ARHGAP26: variants seen among roughly 807,000 people sequenced by gnomAD.
The protein encoded by ARHGAP26 is rho GTPase-activating protein 26.
ARHGAP26 carries 38 observed loss-of-function variants against 104.8 expected under a neutral mutation model. That is an observed-to-expected ratio of 0.36 (90% CI 0.28 to 0.48). ARHGAP26 has a LOEUF of 0.48. Among genes scored for constraint, ARHGAP26 ranks in the 20% least tolerant of loss-of-function variants. ARHGAP26 has a pLI of 0.99. For synonymous variants in ARHGAP26, 341 were observed against 340.0 expected (o/e 1.00, Z -0.03); for missense variants, 704 against 947.9 (o/e 0.74, Z 3.38).
chr5:143,146,623 A>G (rs1799188740), intron 19 of ARHGAP26, among the ~76,000 whole-genome samples: 1 of 152,240 alleles, frequency 6.6e-6, no homozygotes, highest in Admixed American at 6.5e-5. Flanking sequence ...AGAGCGATTT[A>G]TCAAAGAATT....
chr5:142,916,757 A>C (rs962455612), intron 10 of ARHGAP26, among the ~76,000 whole-genome samples: 5 of 152,222 alleles, frequency 3.3e-5, no homozygotes, highest in African/African-American at 4.8e-5. Flanking sequence ...AGGCAAAAAC[A>C]ACCACCACAA....
intron 12 of ARHGAP26, among the ~76,000 whole-genome samples, chr5:143,024,981 T>C (rs1780841296): frequency 6.6e-6 from 1 of 152,218 alleles, no homozygotes; most frequent in Non-Finnish European, 1.5e-5. Flanking sequence ...TTTTAATAAT[T>C]AAATCTTTGG....
At chr5:142,806,374 C>T (rs1218656117) in intron 1 of ARHGAP26, among the ~76,000 whole-genome samples, 1 of 152,138 alleles carries the variant, frequency 6.6e-6, no homozygotes, top group African/African-American at 2.4e-5. Flanking sequence ...GGATTACAGG[C>T]CTGAGCCATT....
chr5:143,127,499 A>G (rs912853558), intron 18 of ARHGAP26, among the ~76,000 whole-genome samples: 1 of 152,208 alleles, frequency 6.6e-6, no homozygotes, highest in Non-Finnish European at 1.5e-5. Flanking sequence ...AGAAATCCCC[A>G]AAGATCGGTG....
rs570847950 is a variant in ARHGAP26, at chr5:143,067,712, A to G, written c.1538+9965A>G. Among the ~76,000 whole-genome samples, 5 of 152,336 alleles carry G rather than the reference A, an allele frequency of 3.3e-5. No individual in the cohort carries two copies. The South Asian group carries it at 6.2e-4, about 19-fold the overall frequency. On this transcript the variant is annotated intron_variant, in intron 17 of 22. Coordinates refer to ENST00000645722, the MANE Select transcript of ARHGAP26 (RefSeq NM_001135608.3). ...TGGTGTATTGCAAGCAGGTCTTGCTATGTACTTGGAGATGCCTAGAATTGG... is the reference window on the plus strand; with the variant it reads ...TGGTGTATTGCAAGCAGGTCTTGCTGTGTACTTGGAGATGCCTAGAATTGG...
chr5:143,006,316 C>CTGTTT (rs772059084), intron 11 of ARHGAP26, among the ~76,000 whole-genome samples: 1 of 112,872 alleles, frequency 8.9e-6, no homozygotes, highest in Non-Finnish European at 1.9e-5. Context: ...AGTGTTTTTT[C>CTGTTT]TTTTTTTTTT....
At chr5:142,983,822 C>T (rs2152736171) in intron 11 of ARHGAP26, among the ~76,000 whole-genome samples, 1 of 152,292 alleles carries the variant, frequency 6.6e-6, no homozygotes, top group South Asian at 2.1e-4. Flanking sequence ...CACATCTATT[C>T]ATATATAAAC....
At position 142,770,654 on chromosome 5, in the gene ARHGAP26, G is replaced by T. The variant is rs991525573; in HGVS notation, c.-108G>T. ...GAGCCAGCGCCACACCTGTGGAGCC[G>T]GCGGCCGTCGGGGGAGCCGGCCGGG... On this transcript the variant is annotated 5_prime_UTR_variant, in exon 1 of 23. Coordinates refer to ENST00000645722, the MANE Select transcript of ARHGAP26 (RefSeq NM_001135608.3). The T allele has an allele frequency of 1.2e-6, 1 of 830,966 alleles. No homozygotes were observed. Among genetic ancestry groups the T allele is most frequent in the African/African-American group, 1.8e-5 (1 of 54,276 alleles). The allele number at this position is 830,966 out of a possible 1,614,324, so 51.5% of individuals were successfully genotyped here. A position where few individuals can be genotyped will look rare whatever the true frequency, so the allele number is the denominator to read the frequency against.
At position 143,227,013 on chromosome 5, in the gene ARHGAP26, A is replaced by G. The variant is rs1164284612; in HGVS notation, c.*4567A>G. On this transcript the variant is annotated 3_prime_UTR_variant, in exon 23 of 23. Transcript: ENST00000645722. ...CTCTGTCTTGACTGCAGAGGCTCCAAAAGCATTCACAGTTGAGGGGGAGAA... is the reference window on the plus strand; with the variant it reads ...CTCTGTCTTGACTGCAGAGGCTCCAGAAGCATTCACAGTTGAGGGGGAGAA... 1.7e-5 allele frequency: 4 copies of G among 228,980 alleles called. No individual in the cohort carries two copies. The highest frequency in any genetic ancestry group is 8.9e-5 in the African/African-American group (4 of 45,072). The allele number at this position is 228,980 out of a possible 1,614,324, so 14.2% of individuals were successfully genotyped here.
intron 11 of ARHGAP26, among the ~76,000 whole-genome samples, chr5:142,964,627 C>T (rs539571099): frequency 1.3e-5 from 2 of 151,984 alleles, no homozygotes; most frequent in African/African-American, 4.8e-5. Context: ...GTCTTGGAGA[C>T]ATGCCAATAT....
chr5:142,922,368 G>A (rs1763311474), intron 10 of ARHGAP26, among the ~76,000 whole-genome samples: 1 of 151,952 alleles, frequency 6.6e-6, no homozygotes, highest in South Asian at 2.1e-4. Flanking sequence ...ACTATTAGAA[G>A]GTCCAGTTGA....
At chr5:143,012,575 ATT>A (rs1491267807) in intron 11 of ARHGAP26, among the ~76,000 whole-genome samples, 14 of 97,924 alleles carry the variant, frequency 1.4e-4, no homozygotes, top group East Asian at 4.5e-4. Flanking sequence ...ATATATATAT[ATT>A]ATGATCAGGT....
At chr5:143,105,292 G>A (rs989996413) in intron 17 of ARHGAP26, among the ~76,000 whole-genome samples, 92 of 152,092 alleles carry the variant, frequency 6.0e-4, no homozygotes, top group African/African-American at 1.8e-3. Context: ...CAGGAGAATC[G>A]CTTGAACCCG....
chr5:142,829,591 A>G (rs888260308), intron 1 of ARHGAP26, among the ~76,000 whole-genome samples: 1 of 152,246 alleles, frequency 6.6e-6, no homozygotes, highest in Non-Finnish European at 1.5e-5. Flanking sequence ...TATAATTGGT[A>G]TTTATCTCTG....
intron 1 of ARHGAP26, among the ~76,000 whole-genome samples, chr5:142,815,941 T>A (rs535998229): frequency 1.3e-4 from 20 of 150,604 alleles, no homozygotes; most frequent in Admixed American, 1.3e-3. Flanking sequence ...ACCACAGACA[T>A]GCACCACCAT....
chr5:143,123,281 T>G (rs1218799394), intron 18 of ARHGAP26, among the ~76,000 whole-genome samples: 1 of 152,272 alleles, frequency 6.6e-6, no homozygotes, highest in Non-Finnish European at 1.5e-5. Flanking sequence ...TTGTCGTCTT[T>G]GTGAGAGCAA....
intron 17 of ARHGAP26, among the ~76,000 whole-genome samples, chr5:143,097,422 T>A (rs1028546456): frequency 1.3e-5 from 2 of 150,224 alleles, no homozygotes; most frequent in Non-Finnish European, 3.0e-5. Flanking sequence ...AGAGGGAAAT[T>A]CCCTGTGAGT....
chr5:142,913,147 G>A, intron 9 of ARHGAP26, 52 bp from the exon 10 acceptor site: 1 of 1,428,008 alleles, frequency 7.0e-7, no homozygotes, highest in South Asian at 1.1e-5. Context: ...GTCCTGGGAG[G>A]AGTAGAGCTC....
chr5:142,913,716 T>C (rs1370943303), intron 10 of ARHGAP26, among the ~76,000 whole-genome samples: 1 of 152,186 alleles, frequency 6.6e-6, no homozygotes, highest in East Asian at 1.9e-4. Context: ...GGCATTGAAA[T>C]GGAAGAAATT....
Sources: allele counts gnomAD v4.1 joint callset (sites outside exome capture counted in the v4.1 genomes callset), GRCh38; gene constraint gnomAD v4.1.1; transcripts MANE v1.5; gene names NCBI Gene and HGNC (gene_info 2026-07-23, HGNC 2026-07-21).